Variants in DNM1L observed in about 807,000 individuals in gnomAD.
The protein encoded by DNM1L is dynamin-1-like protein.
In DNM1L, 33 loss-of-function variants were observed where a neutral mutation model predicts 92.8. The observed-to-expected ratio is 0.36, with a 90% CI of 0.27 to 0.48. The LOEUF (loss-of-function observed/expected upper bound fraction) is 0.48. Among genes scored for constraint, DNM1L ranks in the 20% least tolerant of loss-of-function variants. The pLI is 0.99. For synonymous variants in DNM1L, 284 were observed against 305.0 expected (o/e 0.93, Z 0.72); for missense variants, 485 against 888.8 (o/e 0.55, Z 5.78).
intron 13 of DNM1L, among the ~76,000 whole-genome samples, chr12:32,735,123 T>C (rs747553571): frequency 1.3e-4 from 20 of 152,226 alleles, no homozygotes; most frequent in Non-Finnish European, 1.9e-4. Flanking sequence ...GGTAGTTCTG[T>C]TACACTGACA....
At chr12:32,718,873 T>C (rs1383275068) in intron 7 of DNM1L, 110 bp downstream of exon 7, 5 of 1,419,772 alleles carry the variant, frequency 3.5e-6, no homozygotes, top group Admixed American at 1.7e-5. Context: ...AATGTGATGC[T>C]GTACTATATT....
At chr12:32,723,942 T>C (rs1953941060) in intron 9 of DNM1L, among the ~76,000 whole-genome samples, 1 of 152,132 alleles carries the variant, frequency 6.6e-6, no homozygotes, top group Non-Finnish European at 1.5e-5. Flanking sequence ...AACACTAACT[T>C]CTCAAAAAGG....
At chr12:32,742,229 C>T (rs915127937) in intron 18 of DNM1L, among the ~76,000 whole-genome samples, 4 of 151,972 alleles carry the variant, frequency 2.6e-5, no homozygotes, top group African/African-American at 7.3e-5. Flanking sequence ...CTCAGCCTCC[C>T]GAGTAGCTGG....
At chr12:32,723,523 A>G (rs933013851) in intron 9 of DNM1L, among the ~76,000 whole-genome samples, 5 of 151,868 alleles carry the variant, frequency 3.3e-5, no homozygotes, top group Non-Finnish European at 7.4e-5. Flanking sequence ...GTGAAACCCC[A>G]TCTCTACTAA....
intron 1 of DNM1L, among the ~76,000 whole-genome samples, chr12:32,687,620 AT>A (rs200000821): frequency 1.3e-5 from 2 of 149,846 alleles, no homozygotes; most frequent in Non-Finnish European, 3.0e-5. Flanking sequence ...TTTTTTTGGT[AT>A]TTTTTTTTAG....
intron 1 of DNM1L, among the ~76,000 whole-genome samples, chr12:32,699,981 C>T (rs1038945146): frequency 1.3e-5 from 2 of 151,870 alleles, no homozygotes; most frequent in African/African-American, 2.4e-5. Flanking sequence ...TGAACTAAAT[C>T]TAGTGAGGTA....
intron 2 of DNM1L, chr12:32,705,820 T>C: frequency 6.3e-7 from 1 of 1,597,874 alleles, no homozygotes; most frequent in South Asian, 1.1e-5. Flanking sequence ...TCTCTTTAAC[T>C]ACAGACCCTG....
In DNM1L at chr12:32,743,726, A is replaced by AGAT. The variant is rs1199247531; in HGVS notation, c.*319_*321dup. 2.8e-6 allele frequency: 1 copy of AGAT among 362,030 alleles called. No homozygotes were observed. 22.4% of individuals were successfully genotyped at this position (362,030 alleles called of 1,614,324 possible). On this transcript the variant is annotated 3_prime_UTR_variant, in exon 20 of 20. Coordinates refer to ENST00000549701, the MANE Select transcript of DNM1L (RefSeq NM_012062.5). ...GTGCAAAGCAGTTTGCCTGTGGATA[A>AGAT]GATGACCTGTGTAATAATCTTTGTT...
intron 1 of DNM1L, among the ~76,000 whole-genome samples, chr12:32,699,473 TTAA>T (rs1032439956): frequency 6.6e-5 from 10 of 152,126 alleles, no homozygotes; most frequent in Admixed American, 5.9e-4. Context: ...ATGCTTGACC[TTAA>T]TAATAAAGGA....
intron 5 of DNM1L, 150 bp from the exon 6 acceptor site, chr12:32,713,059 A>G: frequency 1.3e-6 from 1 of 745,552 alleles, no homozygotes; most frequent in Non-Finnish European, 2.1e-6. Context: ...TACCAGATTC[A>G]TAAATACCAT....
intron 9 of DNM1L, chr12:32,726,419 C>T (rs527741930): frequency 2.9e-4 from 448 of 1,520,026 alleles, no homozygotes; most frequent in Non-Finnish European, 3.9e-4. Context: ...GATCCTTCTT[C>T]GGGTCATAGT....
intron 1 of DNM1L, among the ~76,000 whole-genome samples, chr12:32,697,764 A>G (rs544118185): frequency 6.6e-6 from 1 of 152,204 alleles, no homozygotes; most frequent in South Asian, 2.1e-4. Flanking sequence ...CCCTCCTTTC[A>G]CCAGGAGAAA....
At chr12:32,696,634 C>T (rs1164579256) in intron 1 of DNM1L, among the ~76,000 whole-genome samples, 1 of 146,944 alleles carries the variant, frequency 6.8e-6, no homozygotes, top group Non-Finnish European at 1.5e-5. Flanking sequence ...AGATTACTGT[C>T]TTTTTTTTTT....
intron 9 of DNM1L, chr12:32,726,752 A>G: frequency 1.6e-6 from 1 of 618,408 alleles, no homozygotes; most frequent in East Asian, 2.7e-5. Flanking sequence ...TCAAAATGAC[A>G]TTCTTTCCTT....
At position 32,679,334 on chromosome 12, in the gene DNM1L, C is replaced by G. The variant is rs1462562970; in HGVS notation, c.-30C>G. On this transcript the variant is annotated 5_prime_UTR_variant, in exon 1 of 20. Transcript: ENST00000549701. Reference sequence around the variant, plus strand: ...CGGCCCCATTCATTGCCGTGGCCGGCGGGCACTGGGGCCCCGTGTTTTCAG... The same window carrying G: ...CGGCCCCATTCATTGCCGTGGCCGGGGGGCACTGGGGCCCCGTGTTTTCAG... 1 of 1,496,732 alleles carries G rather than the reference C, an allele frequency of 6.7e-7. No homozygotes were observed. Among genetic ancestry groups the G allele is most frequent in the African/African-American group, 1.4e-5 (1 of 72,622 alleles). 92.7% of individuals were successfully genotyped at this position (1,496,732 alleles called of 1,614,324 possible). A position where few individuals can be genotyped will look rare whatever the true frequency, so the allele number is the denominator to read the frequency against.
chr12:32,693,390 A>G (rs754495428), intron 1 of DNM1L, among the ~76,000 whole-genome samples: 2 of 152,186 alleles, frequency 1.3e-5, no homozygotes, highest in African/African-American at 4.8e-5. Flanking sequence ...TTACTTATGG[A>G]TCACAAATGT....
Position 32,710,925 on chromosome 12 carries a change from T to G in DNM1L, c.370-4T>G. ...TTTTAATATATTTTAAAATTTATTT[T>G]TAGGGAGTAAGCCCTGAACCAATTC... On this transcript the variant is annotated splice_polypyrimidine_tract_variant and splice_region_variant and intron_variant, in intron 4 of 19. Transcript: ENST00000549701. 1 of 1,604,116 alleles carries G rather than the reference T, an allele frequency of 6.2e-7. No homozygotes were observed. The highest frequency in any genetic ancestry group is 1.7e-5 in the Admixed American group (1 of 59,724).
intron 13 of DNM1L, among the ~76,000 whole-genome samples, chr12:32,734,299 G>A (rs1265984170): frequency 1.3e-5 from 2 of 152,152 alleles, no homozygotes; most frequent in Non-Finnish European, 2.9e-5. Context: ...TGGAGCCAAG[G>A]CTGGTGGACA....
chr12:32,742,781 G>A (rs1233310944), intron 19 of DNM1L, 33 bp downstream of exon 19: 1 of 1,610,770 alleles, frequency 6.2e-7, no homozygotes, highest in Non-Finnish European at 8.5e-7. Context: ...TTATACTTGG[G>A]TAGTAGATAG....
Sources: allele counts gnomAD v4.1 joint callset (sites outside exome capture counted in the v4.1 genomes callset), GRCh38; gene constraint gnomAD v4.1.1; transcripts MANE v1.5; gene names NCBI Gene and HGNC (gene_info 2026-07-23, HGNC 2026-07-21).